Variants in TANK observed in about 807,000 individuals in gnomAD.
TANK encodes the protein TRAF family member associated NFKB activator.
Under a neutral mutation model 43.6 loss-of-function variants are expected in TANK, and 15 were observed. The ratio of observed to expected loss-of-function variants is 0.34; its 90% CI spans 0.23 to 0.53. The LOEUF is 0.53. Among genes scored for constraint, TANK ranks in the 20% least tolerant of loss-of-function variants. The pLI is 0.94. For synonymous variants in TANK, 162 were observed against 178.2 expected, an observed-to-expected ratio of 0.91 and a Z score of 0.73; for missense variants, 417 against 498.6, an observed-to-expected ratio of 0.84 and a Z score of 1.56.
In TANK at chr2:161,150,589, CTTTTTTTT is replaced by C. The variant is rs989283972; in HGVS notation, c.-50+13539_-50+13546del. On this transcript the variant is annotated intron_variant, in intron 1 of 7. Coordinates refer to the TANK transcript ENST00000259075. ...ATTATTGATTTCAAATCTTCTTCTT[CTTTTTTTT>C]TTTTTTTTTTTTCTTTTGAGATGGA... is the stretch of plus-strand genomic sequence containing the variant. Among the ~76,000 whole-genome samples the C allele has an allele frequency of 4.0e-3, 490 of 121,460 alleles. 5 individuals are homozygous for C. The highest frequency in any genetic ancestry group is 0.015 in the African/African-American group (449 of 30,684). The allele number at this position is 121,460 out of a possible 152,430, so 79.7% of individuals were successfully genotyped here.
intron 2 of TANK, among the ~76,000 whole-genome samples, chr2:161,193,103 A>G (rs938197872): frequency 1.3e-5 from 2 of 152,218 alleles, no homozygotes; most frequent in African/African-American, 4.8e-5. Context: ...ATCATGTGCC[A>G]GGGACATCAT....
intron 1 of TANK, among the ~76,000 whole-genome samples, chr2:161,151,348 A>G (rs924912538): frequency 3.3e-5 from 5 of 152,042 alleles, no homozygotes; most frequent in Non-Finnish European, 5.9e-5. Flanking sequence ...TTTTCTATTT[A>G]TTATTAAAAG....
chr2:161,146,049 C>T (rs1481991070), intron 1 of TANK, among the ~76,000 whole-genome samples: 2 of 152,098 alleles, frequency 1.3e-5, no homozygotes, highest in African/African-American at 4.8e-5. Flanking sequence ...CTAATCTTGT[C>T]TTCATGCCTG....
intron 2 of TANK, among the ~76,000 whole-genome samples, chr2:161,195,478 C>G (rs556533165): frequency 6.6e-6 from 1 of 152,136 alleles, no homozygotes; most frequent in South Asian, 2.1e-4. Context: ...GTTCAAGGAC[C>G]TGCATTGTAA....
At chr2:161,212,316 C>G in intron 4 of TANK, 8 of 927,218 alleles carry the variant, frequency 8.6e-6, no homozygotes, top group Non-Finnish European at 1.0e-5. Context: ...CTGCCTCGGC[C>G]TCCCATAGTG....
Position 161,199,745 on chromosome 2 carries a change from A to G in TANK, c.100-3742A>G, listed in dbSNP as rs749354228. ...TTACTTTTGAACACTAAGAAAGAAT[A>G]CAAAGTTAACCTTATGGGCCAGGCA... On this transcript the variant is annotated intron_variant, in intron 2 of 7. Coordinates refer to ENST00000392749, the MANE Select transcript of TANK (RefSeq NM_001199135.3). Among the ~76,000 whole-genome samples, 154 of 152,208 alleles carry G rather than the reference A, an allele frequency of 1.0e-3. 4 individuals carry two copies. The highest frequency in any genetic ancestry group is 2.6e-4 in the Non-Finnish European group (18 of 68,036).
chr2:161,205,145 G>A (rs1270592295), intron 4 of TANK, among the ~76,000 whole-genome samples: 2 of 151,942 alleles, frequency 1.3e-5, no homozygotes, highest in Non-Finnish European at 2.9e-5. Context: ...GGCAACATAG[G>A]GGGATCCCTA....
intron 1 of TANK, among the ~76,000 whole-genome samples, chr2:161,150,840 C>T (rs1255043230): frequency 6.6e-6 from 1 of 152,162 alleles, no homozygotes; most frequent in Non-Finnish European, 1.5e-5. Flanking sequence ...ATCTGCTTGT[C>T]TCAACCTCCC....
In TANK at chr2:161,174,751, C is replaced by T. The variant is rs1041038521; in HGVS notation, c.-49-4863C>T. Reference sequence around the variant, plus strand: ...TCATGGGGAAAGCTTTAGCGTAATCCGTCATGTTTATAGTAACCATCATTG... The same window carrying T: ...TCATGGGGAAAGCTTTAGCGTAATCTGTCATGTTTATAGTAACCATCATTG... On this transcript the variant is annotated intron_variant, in intron 1 of 7. Transcript: ENST00000392749. 1.1e-4 allele frequency among the ~76,000 whole-genome samples: 17 copies of T among 152,128 alleles called. No individual in the cohort carries two copies. The South Asian group carries it at 2.7e-3, about 24-fold the overall frequency.
intron 2 of TANK, among the ~76,000 whole-genome samples, chr2:161,182,762 G>T (rs563214851): frequency 2.6e-5 from 4 of 152,058 alleles, no homozygotes; most frequent in African/African-American, 9.7e-5. Flanking sequence ...GCACAAAAAG[G>T]GTGTGATCTA....
intron 2 of TANK, among the ~76,000 whole-genome samples, chr2:161,186,717 GAAAC>G (rs986054161): frequency 2.0e-5 from 3 of 152,078 alleles, no homozygotes; most frequent in African/African-American, 4.8e-5. Flanking sequence ...CACAACAAAA[GAAAC>G]AATCAACAAA....
rs1030078586 is a variant in TANK, at chr2:161,202,736, G to T, written c.100-751G>T. On this transcript the variant is annotated intron_variant, in intron 2 of 7. Coordinates refer to ENST00000392749, the MANE Select transcript of TANK (RefSeq NM_001199135.3). ...AAAGAGTTCTCTGCTATTGTTTGGT[G>T]ATACGCTTTTAAGACTGTACTAATT... 1.7e-5 allele frequency: 5 copies of T among 290,936 alleles called. No homozygotes were observed. In the Middle Eastern group the frequency reaches 1.4e-3, roughly 81 times the overall value. 18.0% of individuals were successfully genotyped at this position (290,936 alleles called of 1,614,324 possible).
chr2:161,232,993 G>T (rs938258898), intron 7 of TANK: 1 of 907,966 alleles, frequency 1.1e-6, no homozygotes, highest in Non-Finnish European at 1.6e-6. Context: ...TTCTTAAAAT[G>T]AGTTTTTTAA....
intron 2 of TANK, among the ~76,000 whole-genome samples, chr2:161,188,963 G>A (rs1233581363): frequency 1.3e-5 from 2 of 152,188 alleles, no homozygotes; most frequent in Non-Finnish European, 2.9e-5. Context: ...CTATATGGAA[G>A]ATGCTAGTGT....
At chr2:161,151,511 T>C (rs1056683999) in intron 1 of TANK, among the ~76,000 whole-genome samples, 2 of 152,182 alleles carry the variant, frequency 1.3e-5, no homozygotes, top group African/African-American at 2.4e-5. Context: ...TTTTTGTCAA[T>C]ACATAATATC....
At chr2:161,199,359 G>GT (rs1686301402) in intron 2 of TANK, among the ~76,000 whole-genome samples, 1 of 151,406 alleles carries the variant, frequency 6.6e-6, no homozygotes, top group African/African-American at 2.4e-5. Context: ...GAGAAGAAAT[G>GT]TTTGACTTAG....
intron 2 of TANK, chr2:161,197,406 C>T (rs775949834): frequency 2.6e-5 from 4 of 152,178 alleles, no homozygotes; most frequent in Admixed American, 6.5e-5. Flanking sequence ...TAGGTTACAA[C>T]GAACTAGAAA....
At chr2:161,170,851 A>G (rs894091061) in intron 1 of TANK, among the ~76,000 whole-genome samples, 1 of 152,198 alleles carries the variant, frequency 6.6e-6, no homozygotes, top group Non-Finnish European at 1.5e-5. Context: ...TGTATTGTAT[A>G]CTTCAACTCT....
intron 2 of TANK, among the ~76,000 whole-genome samples, chr2:161,192,683 C>G (rs1685970990): frequency 1.3e-5 from 2 of 152,152 alleles, no homozygotes; most frequent in Admixed American, 6.5e-5. Flanking sequence ...CAGTCTTCTT[C>G]CCTTCAACAT....
Sources: allele counts gnomAD v4.1 joint callset (sites outside exome capture counted in the v4.1 genomes callset), GRCh38; gene constraint gnomAD v4.1.1; transcripts MANE v1.5; gene names NCBI Gene and HGNC (gene_info 2026-07-23, HGNC 2026-07-21).